DDX19A: variants seen among roughly 807,000 people sequenced by gnomAD.
The protein encoded by DDX19A is DEAD-box helicase 19A.
Under a neutral mutation model 60.6 loss-of-function variants are expected in DDX19A, and 12 were observed. The observed-to-expected ratio is 0.20, with a 90% CI of 0.13 to 0.32. DDX19A has a LOEUF of 0.32. DDX19A is among the 10% of genes least tolerant of loss of function. The pLI is 1.00. For missense variants in DDX19A, 337 were observed against 600.6 expected, an observed-to-expected ratio of 0.56 and a Z score of 4.59; for synonymous variants, 206 against 218.2, an observed-to-expected ratio of 0.94 and a Z score of 0.49.
Position 70,372,014 on chromosome 16 carries a change from C to T in DDX19A, c.*28C>T, listed in dbSNP as rs917880002. ...AGCTCCACCAGCCACTGATGCCAGC[C>T]CTGGCACTGCCCCTGCACAGGAGAC... On this transcript the variant is annotated 3_prime_UTR_variant, in exon 12 of 12. Transcript: ENST00000302243. 13 of 1,613,844 alleles carry T rather than the reference C, an allele frequency of 8.1e-6. No homozygotes were observed. The highest frequency in any genetic ancestry group is 1.1e-5 in the Non-Finnish European group (13 of 1,179,738).
rs1260787118 is a variant in DDX19A, at chr16:70,356,201, C to G, written c.247C>G (p.Pro83Ala). Residue 83 changes from proline to alanine, a missense_variant, in exon 4 of 12, where the codon CCA becomes GCA. Around this residue, in one of 6 missense-constraint regions of DDX19A, gnomAD observed 127 missense variants for 160.3 expected, o/e 0.79. Transcript: ENST00000302243. ...TNQVEVLQRD[P>A]NSPLYSVKSF... The stretch of plus-strand genomic sequence containing the variant: ...CCAAGTGGAAGTCCTGCAACGGGAT[C>G]CAAACTCCCCTCTGTACTCGGTGAA... 2 of 1,614,010 alleles carry G rather than the reference C, an allele frequency of 1.2e-6. No individual in the cohort carries two copies. The highest frequency in any genetic ancestry group is 4.5e-5 in the East Asian group (2 of 44,892).
At chr16:70,356,938 G>GTTTT in intron 4 of DDX19A, 1 of 442,738 alleles carries the variant, frequency 2.3e-6, no homozygotes, top group Non-Finnish European at 2.9e-6. Flanking sequence ...TGTGCTATTT[G>GTTTT]TTTTTTTTTT....
At chr16:70,350,717 C>G (rs1597520410) in intron 2 of DDX19A, 112 bp downstream of exon 2, 1 of 762,210 alleles carries the variant, frequency 1.3e-6, no homozygotes, top group African/African-American at 1.8e-5. Context: ...CAGCTGTTTA[C>G]AAGCCAGTGA....
chr16:70,357,388 T>G (rs1436215232), intron 4 of DDX19A, among the ~76,000 whole-genome samples: 1,432 of 91,588 alleles, frequency 0.016, 47 homozygotes, highest in African/African-American at 0.069. Flanking sequence ...TTTTTTTTTT[T>G]TTTTTTTTTT....
At chr16:70,367,007 G>A (rs1964539698) in intron 9 of DDX19A, 146 bp downstream of exon 9, 9 of 930,764 alleles carry the variant, frequency 9.7e-6, no homozygotes, top group African/African-American at 1.6e-5. Flanking sequence ...CTTTAGTGGG[G>A]GTAATGGTAG....
In DDX19A at chr16:70,364,852, A is replaced by G. The variant is rs567982796; in HGVS notation, c.490-165A>G. 38 of 676,456 alleles carry G rather than the reference A, an allele frequency of 5.6e-5. No homozygotes were observed. In the African/African-American group the frequency reaches 6.5e-4, roughly 12 times the overall value. The allele number at this position is 676,456 out of a possible 1,614,324, so 41.9% of individuals were successfully genotyped here. A position where few individuals can be genotyped will look rare whatever the true frequency, so the allele number is the denominator to read the frequency against. ...GGCTTGCAAAGGCCTCTGCCAAGCC[A>G]GGGCTACCTGCTGCAGGCTTCAGTC... On this transcript the variant is annotated intron_variant, in intron 6 of 11. Transcript: ENST00000302243.
intron 5 of DDX19A, among the ~76,000 whole-genome samples, chr16:70,363,005 C>G (rs1402623463): frequency 6.9e-6 from 1 of 144,482 alleles, no homozygotes; most frequent in Non-Finnish European, 1.5e-5. Flanking sequence ...CAGAGTAAGA[C>G]TCTGTCTCAA....
Position 70,356,093 on chromosome 16 carries a change from A to G in DDX19A, c.158-19A>G. The G allele has an allele frequency of 3.1e-6, 5 of 1,613,100 alleles. No homozygotes were observed. The highest frequency in any genetic ancestry group is 4.2e-6 in the Non-Finnish European group (5 of 1,179,974). The stretch of plus-strand genomic sequence containing the variant: ...GTTTGCCAGATGAGTATGAAGATCT[A>G]CTGGTTTCTTCCTGACAGAGGACAG... On this transcript the variant is annotated intron_variant, in intron 3 of 11. Coordinates refer to ENST00000302243, the MANE Select transcript of DDX19A (RefSeq NM_018332.5).
chr16:70,368,292 C>T (rs934069982), intron 9 of DDX19A, among the ~76,000 whole-genome samples: 16 of 151,446 alleles, frequency 1.1e-4, no homozygotes, highest in Admixed American at 5.9e-4. Context: ...TTTTTGAGAC[C>T]GAGTCTATCT....
chr16:70,360,322 T>TTTC (rs758230684), intron 4 of DDX19A, among the ~76,000 whole-genome samples: 7,778 of 125,420 alleles, frequency 0.062, 653 homozygotes, highest in African/African-American at 0.24. Flanking sequence ...TCTTTCTTTC[T>TTTC]TTTTTTTTTT....
intron 9 of DDX19A, among the ~76,000 whole-genome samples, chr16:70,369,841 G>C (rs1400340822): frequency 6.6e-6 from 1 of 151,910 alleles, no homozygotes; most frequent in East Asian, 1.9e-4. Flanking sequence ...GAACTCCTGA[G>C]TTCAAGCGAT....
intron 1 of DDX19A, among the ~76,000 whole-genome samples, chr16:70,348,802 C>T (rs987360877): frequency 2.6e-5 from 4 of 151,470 alleles, no homozygotes; most frequent in East Asian, 1.9e-4. Context: ...ATTAGCTGGG[C>T]GGGGTGGTGG....
intron 10 of DDX19A, chr16:70,370,592 A>G (rs1964654552): frequency 2.6e-6 from 2 of 756,822 alleles, no homozygotes; most frequent in Non-Finnish European, 3.8e-6. Context: ...CATGCCTGCA[A>G]TCCCAAGGCA....
chr16:70,367,641 G>T (rs958715289), intron 9 of DDX19A, among the ~76,000 whole-genome samples: 1 of 152,190 alleles, frequency 6.6e-6, no homozygotes, highest in Non-Finnish European at 1.5e-5. Flanking sequence ...ACTTTGGCAG[G>T]CCGAGACAGG....
At chr16:70,371,070 C>T (rs867461060) in intron 10 of DDX19A, 1 of 526,616 alleles carries the variant, frequency 1.9e-6, no homozygotes, top group Non-Finnish European at 3.4e-6. Context: ...AGGAAATGTA[C>T]AGGCATCTGA....
At chr16:70,358,563 G>A (rs939170622) in intron 4 of DDX19A, among the ~76,000 whole-genome samples, 1 of 151,608 alleles carries the variant, frequency 6.6e-6, no homozygotes, top group African/African-American at 2.4e-5. Context: ...TATACTTTAG[G>A]TCGGGCACGG....
Position 70,346,915 on chromosome 16 carries a change from C to G in DDX19A, c.-77C>G, listed in dbSNP as rs749707741. The G allele has an allele frequency of 3.4e-6, 5 of 1,455,058 alleles. No individual in the cohort carries two copies. The highest frequency in any genetic ancestry group is 2.4e-5 in the South Asian group (2 of 82,868). 90.1% of individuals were successfully genotyped at this position (1,455,058 alleles called of 1,614,324 possible). On this transcript the variant is annotated 5_prime_UTR_variant, in exon 1 of 12. Transcript: ENST00000302243. ...GTCCGCGTGAGGTGCATTCTCGCGCCGGTGGCGAGGTTAGGGCCCGCGTTG... is the reference window on the plus strand; with the variant it reads ...GTCCGCGTGAGGTGCATTCTCGCGCGGGTGGCGAGGTTAGGGCCCGCGTTG...
At chr16:70,368,546 C>A (rs866768750) in intron 9 of DDX19A, among the ~76,000 whole-genome samples, 1 of 151,920 alleles carries the variant, frequency 6.6e-6, no homozygotes, top group Admixed American at 6.6e-5. Flanking sequence ...ACTGGGATTA[C>A]AGGCATGAGC....
intron 9 of DDX19A, among the ~76,000 whole-genome samples, chr16:70,369,559 C>T (rs561967364): frequency 2.0e-5 from 3 of 151,650 alleles, no homozygotes; most frequent in South Asian, 2.1e-4. Flanking sequence ...CGTGAGCCAC[C>T]GTATCTTGCC....
Sources: allele counts gnomAD v4.1 joint callset (sites outside exome capture counted in the v4.1 genomes callset), GRCh38; gene constraint gnomAD v4.1.1; regional missense constraint gnomAD v4.1.1; transcripts MANE v1.5; gene names NCBI Gene and HGNC (gene_info 2026-07-23, HGNC 2026-07-21).